The following NCOR2 variants were observed in gnomAD, a reference collection of about 807,000 sequenced individuals.
The protein encoded by NCOR2 is nuclear receptor corepressor 2.
Under a neutral mutation model 262.9 loss-of-function variants are expected in NCOR2, and 81 were observed. The observed-to-expected ratio is 0.31, with a 90% confidence interval of 0.26 to 0.37. NCOR2 has a LOEUF of 0.37. Among genes scored for constraint, NCOR2 ranks in the 10% least tolerant of loss-of-function variants. NCOR2 has a pLI of 1.00. For missense variants in NCOR2, 3,385 were observed against 3,621.4 expected (o/e 0.93, Z 1.68); for synonymous variants, 1,659 against 1,559.3 (o/e 1.06, Z -1.51).
chr12:124,377,891 G>A (rs570462693), intron 18 of NCOR2, among the ~76,000 whole-genome samples: 3 of 151,546 alleles, frequency 2.0e-5, no homozygotes, highest in Admixed American at 2.0e-4. Context: ...TTTCTAAACT[G>A]TGACATCGGA....
intron 31 of NCOR2, 131 bp downstream of exon 33, chr12:124,346,433 A>G: frequency 2.0e-6 from 2 of 1,016,030 alleles, no homozygotes; most frequent in African/African-American, 3.4e-5. Flanking sequence ...GGTGATGAGC[A>G]GCTGGGTGAC....
chr12:124,399,397 G>A (rs559844197), intron 15 of NCOR2, among the ~76,000 whole-genome samples: 2 of 152,252 alleles, frequency 1.3e-5, no homozygotes, highest in Admixed American at 1.3e-4. Flanking sequence ...GGGTCCGAGA[G>A]GACTATCCCC....
intron 1 of NCOR2, among the ~76,000 whole-genome samples, chr12:124,520,978 A>G (rs946476260): frequency 1.3e-5 from 2 of 152,218 alleles, no homozygotes; most frequent in African/African-American, 4.8e-5. Flanking sequence ...GGGGACCTTA[A>G]GCTGAGTGGC....
chr12:124,497,016 C>A (rs113580990), upstream of NCOR2, among the ~76,000 whole-genome samples: 21 of 152,332 alleles, frequency 1.4e-4, no homozygotes, highest in African/African-American at 5.1e-4. This position sits in a 1 kb window ranked among gnomAD's most constrained non-coding sequence, Gnocchi z 4.2. Context: ...GCGGTAAGAG[C>A]AGGTTGTGTC....
intron 13 of NCOR2, among the ~76,000 whole-genome samples, chr12:124,419,242 T>A (rs1251085336): frequency 6.6e-6 from 1 of 152,216 alleles, no homozygotes; most frequent in Admixed American, 6.5e-5. Context: ...AAACTTTTTC[T>A]ATGAAGGGCC....
chr12:124,438,074 G>T, intron 7 of NCOR2, 78 bp from the exon 10 acceptor site: 1 of 1,406,520 alleles, frequency 7.1e-7, no homozygotes. Context: ...TGTTTGCTGA[G>T]AGTGAGCCCC....
intron 17 of NCOR2, among the ~76,000 whole-genome samples, chr12:124,381,819 C>G (rs1002112773): frequency 1.8e-4 from 27 of 152,324 alleles, no homozygotes; most frequent in African/African-American, 6.3e-4. Flanking sequence ...CCCCAGGGGC[C>G]TGAATTCACA....
At chr12:124,536,637 A>T (rs1027653248), upstream of NCOR2, among the ~76,000 whole-genome samples, 1 of 152,214 alleles carries the variant, frequency 6.6e-6, no homozygotes, top group Admixed American at 6.5e-5. Flanking sequence ...GGGATGGCAA[A>T]CATGAGACAG....
Position 124,420,047 on chromosome 12 carries a change from A to G in NCOR2, c.1392T>C (p.Ala464=), listed in dbSNP as rs1479961503. 5 of 1,612,820 alleles carry G rather than the reference A, an allele frequency of 3.1e-6. No homozygotes were observed. The African/African-American group carries it at 4.0e-5, about 13-fold the overall frequency. Residue 464 remains alanine (A), a synonymous_variant, in exon 13 of 47, where the codon GCT becomes GCC. Transcript: ENST00000405201. ...TCAGGTAGTAATAGAGGACGCACTC[A>G]GCCACTGTCTGTGGGACAGAGAAAG...
intron 8 of NCOR2, among the ~76,000 whole-genome samples, chr12:124,433,862 AC>A (rs2044140178): frequency 1.6e-5 from 1 of 61,660 alleles, no homozygotes; most frequent in Admixed American, 1.8e-4. Flanking sequence ...ACACACACAC[AC>A]ACACACACAC....
At chr12:124,411,044 G>C (rs936634392) in intron 13 of NCOR2, among the ~76,000 whole-genome samples, 10 of 146,230 alleles carry the variant, frequency 6.8e-5, no homozygotes, top group African/African-American at 2.5e-4. Flanking sequence ...GGAGGGGGCG[G>C]GGGAGGAGGA....
chr12:124,481,985 G>C lies in NCOR2; in HGVS notation c.411+1611C>G, dbSNP rs1052272765. On this transcript the variant is annotated intron_variant, in intron 3 of 46. Coordinates refer to ENST00000405201, the Ensembl canonical transcript of NCOR2. The surrounding 1 kb of genome is among the most constrained non-coding windows in gnomAD (Gnocchi z 4.6). ...GAAGGCTGGAATTGAGATATTTTAG[G>C]GCAGAGGTGTCAGGATTTGCTGATG... Among the ~76,000 whole-genome samples, 1 of 152,092 alleles carries C rather than the reference G, an allele frequency of 6.6e-6. No homozygotes were observed. The highest frequency in any genetic ancestry group is 1.5e-5 in the Non-Finnish European group (1 of 68,004).
intron 10 of NCOR2, 51 bp downstream of exon 12, chr12:124,429,562 G>A (rs974315502): frequency 2.7e-5 from 41 of 1,539,074 alleles, no homozygotes; most frequent in South Asian, 4.7e-5. Context: ...GCACCCTCAC[G>A]GGGGATGCCA....
At chr12:124,524,761 G>C (rs78900942) in intron 1 of NCOR2, among the ~76,000 whole-genome samples, 8,294 of 152,250 alleles carry the variant, frequency 0.054, 343 homozygotes, top group African/African-American at 0.11. Flanking sequence ...CTGGACGCCT[G>C]GCCTGATGGA....
At chr12:124,392,273 C>T (rs2041359154) in intron 16 of NCOR2, among the ~76,000 whole-genome samples, 1 of 152,192 alleles carries the variant, frequency 6.6e-6, no homozygotes. Flanking sequence ...AGACCCTGCC[C>T]CTGTGTCTGG....
intron 1 of NCOR2, among the ~76,000 whole-genome samples, chr12:124,532,164 C>T (rs2050828124): frequency 6.6e-6 from 1 of 152,138 alleles, no homozygotes; most frequent in Admixed American, 6.5e-5. Flanking sequence ...CCACAAAGTG[C>T]TTAGTGCACG....
At chr12:124,337,458 A>G in intron 37 of NCOR2, 2 of 642,928 alleles carry the variant, frequency 3.1e-6, no homozygotes, top group East Asian at 6.1e-5. Context: ...CGGTCATAAA[A>G]CGGATGCAAG....
intron 22 of NCOR2, 41 bp from the exon 25 acceptor site, chr12:124,356,823 G>C: frequency 7.0e-7 from 1 of 1,436,448 alleles, no homozygotes. Flanking sequence ...GCAGGAGGTG[G>C]GGCAGTCAGA....
chr12:124,501,780 G>T (rs192762542), intron 1 of NCOR2, among the ~76,000 whole-genome samples: 2 of 152,308 alleles, frequency 1.3e-5, no homozygotes, highest in Admixed American at 1.3e-4. Context: ...CGTACCTTAA[G>T]GGAGAACACT....
Sources: allele counts gnomAD v4.1 joint callset (sites outside exome capture counted in the v4.1 genomes callset), GRCh38; gene constraint gnomAD v4.1.1; non-coding constraint Gnocchi (gnomAD v3.1); transcripts MANE v1.5; gene names NCBI Gene and HGNC (gene_info 2026-07-23, HGNC 2026-07-21).